Variants in MYO9A observed in about 807,000 individuals in gnomAD.
The protein encoded by MYO9A is myosin IXA, also known as unconventional myosin-IXa.
In MYO9A, 103 loss-of-function variants were observed where a neutral mutation model predicts 293.3. That is an observed-to-expected ratio of 0.35 (90% confidence interval 0.30 to 0.41). The LOEUF (loss-of-function observed/expected upper bound fraction) is 0.41, where lower values mean the gene tolerates loss of function less well. Ranked by LOEUF, MYO9A falls within the 10% of genes least tolerant of loss-of-function variation. The pLI, the probability that MYO9A is intolerant of heterozygous loss-of-function variation, is 1.00. For synonymous variants in MYO9A, 1,001 were observed against 1,035.7 expected, an observed-to-expected ratio of 0.97 and a Z score of 0.64; for missense variants, 2,685 against 3,033.0, an observed-to-expected ratio of 0.89 and a Z score of 2.69.
chr15:71,935,306 A>G lies in MYO9A; in HGVS notation c.2522+35T>C, dbSNP rs750370047. On this transcript the variant is annotated intron_variant, in intron 17 of 41. Transcript: ENST00000356056. ...TTTTAAACCAGACAAAAAACAAAAA[A>G]CAAAAAACAATTTACATTACTGATT... The G allele has an allele frequency of 9.2e-6, 14 of 1,527,036 alleles. No homozygotes were observed. In the East Asian group the frequency reaches 3.0e-4, roughly 33 times the overall value. The allele number at this position is 1,527,036 out of a possible 1,614,324, so 94.6% of individuals were successfully genotyped here. A position where few individuals can be genotyped will look rare whatever the true frequency, so the allele number is the denominator to read the frequency against.
At chr15:71,897,013 T>C (rs2057350265) in intron 25 of MYO9A, 1 of 158,164 alleles carries the variant, frequency 6.3e-6, no homozygotes. Flanking sequence ...TGGGAAATTT[T>C]ATGTTATGTG....
chr15:71,960,905 G>A (rs2075722141), intron 13 of MYO9A, among the ~76,000 whole-genome samples: 1 of 152,120 alleles, frequency 6.6e-6, no homozygotes, highest in African/African-American at 2.4e-5. Context: ...GGACAAGTTA[G>A]GAGAAAAAGG....
At chr15:72,017,948 G>A (rs572918378) in intron 6 of MYO9A, among the ~76,000 whole-genome samples, 15 of 152,160 alleles carry the variant, frequency 9.9e-5, no homozygotes, top group Non-Finnish European at 1.3e-4. Context: ...TAAATTTAGC[G>A]GGGCATGGTG....
intron 34 of MYO9A, among the ~76,000 whole-genome samples, chr15:71,859,310 A>G (rs2056012754): frequency 6.6e-6 from 1 of 152,232 alleles, no homozygotes; most frequent in South Asian, 2.1e-4. Context: ...ATCTCTGTGT[A>G]TCCAAGAGAT....
chr15:71,887,351 C>T (rs2057050412), intron 27 of MYO9A, among the ~76,000 whole-genome samples: 1 of 152,044 alleles, frequency 6.6e-6, no homozygotes, highest in East Asian at 1.9e-4. Context: ...AAGCTAAAGG[C>T]AATTAAGAAG....
chr15:71,971,130 C>T (rs373929862), intron 12 of MYO9A, among the ~76,000 whole-genome samples: 5 of 151,218 alleles, frequency 3.3e-5, no homozygotes, highest in African/African-American at 1.2e-4. Flanking sequence ...CGCTGCACTC[C>T]AGCCTGGGCG....
intron 11 of MYO9A, among the ~76,000 whole-genome samples, chr15:71,982,469 A>G (rs2076299961): frequency 6.6e-6 from 1 of 152,140 alleles, no homozygotes; most frequent in East Asian, 1.9e-4. Flanking sequence ...GATATAAACA[A>G]ATTTTGTAAA....
intron 39 of MYO9A, among the ~76,000 whole-genome samples, chr15:71,842,641 T>C (rs1435052593): frequency 6.6e-6 from 1 of 151,912 alleles, no homozygotes; most frequent in East Asian, 1.9e-4. Flanking sequence ...GGGCAGATTA[T>C]GAGGTCAGGA....
At chr15:72,058,499 A>T (rs2078785308) in intron 1 of MYO9A, among the ~76,000 whole-genome samples, 1 of 152,212 alleles carries the variant, frequency 6.6e-6, no homozygotes. Context: ...ATTTCAAGTC[A>T]GCAGAGAAAA....
Position 72,116,609 on chromosome 15 carries a change from C to T in MYO9A, c.-72+1071G>A, listed in dbSNP as rs1015667064. On this transcript the variant is annotated intron_variant, in intron 1 of 41. Coordinates refer to ENST00000356056, the MANE Select transcript of MYO9A (RefSeq NM_006901.4). Reference sequence around the variant, plus strand: ...AATGCTACAAATCTTATTTTTCTAGCAAATCCAAAAAACAGTGAATCCAAA... The same window carrying T: ...AATGCTACAAATCTTATTTTTCTAGTAAATCCAAAAAACAGTGAATCCAAA... Among the ~76,000 whole-genome samples, 4 of 152,072 alleles carry T rather than the reference C, an allele frequency of 2.6e-5. No individual in the cohort carries two copies. In the East Asian group the frequency reaches 7.7e-4, roughly 29 times the overall value.
chr15:71,956,083 T>G (rs1342220202), intron 14 of MYO9A, among the ~76,000 whole-genome samples: 1 of 149,272 alleles, frequency 6.7e-6, no homozygotes, highest in Non-Finnish European at 1.5e-5. Context: ...GCAGCGAGGA[T>G]CACTTAAGGC....
At chr15:72,068,606 C>G (rs2079089919) in intron 1 of MYO9A, among the ~76,000 whole-genome samples, 1 of 152,100 alleles carries the variant, frequency 6.6e-6, no homozygotes, top group African/African-American at 2.4e-5. Flanking sequence ...GCTGGGACTA[C>G]AAGTGACAGC....
intron 20 of MYO9A, 121 bp downstream of exon 20, chr15:71,904,805 T>C: frequency 1.8e-6 from 1 of 558,734 alleles, no homozygotes; most frequent in South Asian, 4.5e-5. Context: ...GTTTATAACA[T>C]ACTATTTTCC....
At chr15:71,958,830 T>C (rs1332617777) in intron 14 of MYO9A, 3 of 152,320 alleles carry the variant, frequency 2.0e-5, no homozygotes, top group South Asian at 4.1e-4. Flanking sequence ...ATTGCCGATA[T>C]TGATAATAAC....
intron 18 of MYO9A, among the ~76,000 whole-genome samples, chr15:71,921,552 G>A (rs1424062035): frequency 1.3e-5 from 2 of 152,136 alleles, no homozygotes; most frequent in Non-Finnish European, 2.9e-5. Flanking sequence ...CGAAATTAGT[G>A]AGTTGAGGAT....
intron 32 of MYO9A, among the ~76,000 whole-genome samples, chr15:71,864,135 CAAT>C (rs1397768088): frequency 2.6e-5 from 4 of 151,912 alleles, no homozygotes; most frequent in Admixed American, 2.0e-4. Context: ...TGTTAGAACC[CAAT>C]AATAAGGCAA....
At chr15:72,115,561 A>G (rs1349510700) in intron 1 of MYO9A, among the ~76,000 whole-genome samples, 1 of 152,236 alleles carries the variant, frequency 6.6e-6, no homozygotes, top group African/African-American at 2.4e-5. Flanking sequence ...GTTCAGATCC[A>G]GTCTCACCAT....
chr15:72,028,615 C>T (rs1011764571), intron 3 of MYO9A, among the ~76,000 whole-genome samples: 37 of 151,584 alleles, frequency 2.4e-4, no homozygotes, highest in African/African-American at 8.2e-4. Flanking sequence ...CCACTGCACT[C>T]CAGCCTGGGC....
chr15:72,110,452 A>G (rs527380892), intron 1 of MYO9A, among the ~76,000 whole-genome samples: 1,817 of 150,654 alleles, frequency 0.012, 55 homozygotes, highest in Admixed American at 0.052. Flanking sequence ...AAAAAAAAAA[A>G]AAAAAAGAAA....
Sources: allele counts gnomAD v4.1 joint callset (sites outside exome capture counted in the v4.1 genomes callset), GRCh38; gene constraint gnomAD v4.1.1; transcripts MANE v1.5; gene names NCBI Gene and HGNC (gene_info 2026-07-23, HGNC 2026-07-21).